Variants in ROBO1 observed in about 807,000 individuals in gnomAD.
The protein encoded by ROBO1 is roundabout guidance receptor 1.
Under a neutral mutation model 195.9 loss-of-function variants are expected in ROBO1, and 149 were observed. That is an observed-to-expected ratio of 0.76 (90% CI 0.67 to 0.87). The LOEUF (loss-of-function observed/expected upper bound fraction) is 0.87. Ranked by LOEUF, ROBO1 falls within the 40% of genes least tolerant of loss-of-function variation. The probability of loss-of-function intolerance (pLI) is 0.00; values close to 1 mark genes in which losing one functional copy is unlikely to be tolerated. For missense variants in ROBO1, 1,933 were observed against 2,068.3 expected, an observed-to-expected ratio of 0.93 and a Z score of 1.27; for synonymous variants, 816 against 733.2, an observed-to-expected ratio of 1.11 and a Z score of -1.82.
chr3:79,712,186 G>C (rs1484005123), intron 1 of ROBO1, among the ~76,000 whole-genome samples: 3 of 152,130 alleles, frequency 2.0e-5, no homozygotes, highest in Non-Finnish European at 4.4e-5. Context: ...AAATGATTAA[G>C]CTTGGTGAGG....
At chr3:79,013,445 T>TA (rs2077838945) in intron 3 of ROBO1, among the ~76,000 whole-genome samples, 1 of 152,200 alleles carries the variant, frequency 6.6e-6, no homozygotes, top group African/African-American at 2.4e-5. Flanking sequence ...CCTGGTGATC[T>TA]AAAAATTAGA....
intron 1 of ROBO1, among the ~76,000 whole-genome samples, chr3:79,720,948 G>A (rs1027901670): frequency 8.6e-5 from 13 of 151,870 alleles, no homozygotes; most frequent in South Asian, 2.1e-4. Context: ...GCCCGCCACC[G>A]TGCCCGGCTA....
chr3:79,325,513 G>C (rs138857494), intron 2 of ROBO1, among the ~76,000 whole-genome samples: 3 of 152,160 alleles, frequency 2.0e-5, no homozygotes, highest in Non-Finnish European at 2.9e-5. Flanking sequence ...AAATATTAAC[G>C]TAATGTGTCG....
chr3:79,242,982 C>CT (rs2082549363), intron 2 of ROBO1, among the ~76,000 whole-genome samples: 1 of 107,122 alleles, frequency 9.3e-6, no homozygotes, highest in Non-Finnish European at 1.8e-5. Flanking sequence ...TCCCTCCCCC[C>CT]TCCCCCCCAC....
At chr3:78,603,205 C>A (rs1385970157) in intron 29 of ROBO1, among the ~76,000 whole-genome samples, 1 of 152,140 alleles carries the variant, frequency 6.6e-6, no homozygotes, top group Non-Finnish European at 1.5e-5. Flanking sequence ...CCTTCATGTA[C>A]CTCAAGAGCT....
intron 8 of ROBO1, among the ~76,000 whole-genome samples, chr3:78,696,729 T>C (rs145822921): frequency 0.018 from 2,687 of 146,096 alleles, 78 homozygotes; most frequent in African/African-American, 0.064. Flanking sequence ...TATATACATG[T>C]ATATATACAT....
chr3:78,629,205 G>T (rs535347828), intron 25 of ROBO1, among the ~76,000 whole-genome samples: 1 of 152,200 alleles, frequency 6.6e-6, no homozygotes, highest in African/African-American at 2.4e-5. Flanking sequence ...CATTTGTCCA[G>T]ATCAAGAACA....
intron 28 of ROBO1, among the ~76,000 whole-genome samples, chr3:78,609,922 T>C (rs1486900766): frequency 6.6e-6 from 1 of 152,166 alleles, no homozygotes; most frequent in African/African-American, 2.4e-5. Flanking sequence ...TCTTTTGGCA[T>C]TATATGCTAA....
chr3:78,753,067 G>A (rs933136084), intron 4 of ROBO1, among the ~76,000 whole-genome samples: 13 of 151,966 alleles, frequency 8.6e-5, no homozygotes, highest in Non-Finnish European at 1.0e-4. Context: ...CTGATATAGC[G>A]GATGGATGGC....
intron 4 of ROBO1, among the ~76,000 whole-genome samples, chr3:78,917,572 G>A (rs1474224433): frequency 2.6e-5 from 4 of 152,014 alleles, no homozygotes; most frequent in Admixed American, 1.3e-4. Context: ...AATTAATTTT[G>A]TAAAATCTGA....
At chr3:79,008,902 T>TGTGC (rs2077697408) in intron 3 of ROBO1, among the ~76,000 whole-genome samples, 1 of 148,702 alleles carries the variant, frequency 6.7e-6, no homozygotes, top group Non-Finnish European at 1.5e-5. Context: ...TGTGTGTGTG[T>TGTGC]GTGTGTGTGT....
chr3:78,916,283 A>C (rs2038579022), intron 4 of ROBO1, among the ~76,000 whole-genome samples: 3 of 134,966 alleles, frequency 2.2e-5, no homozygotes, highest in Admixed American at 1.5e-4. Flanking sequence ...CTTTTTCTAA[A>C]GTGTCACGCC....
intron 2 of ROBO1, among the ~76,000 whole-genome samples, chr3:79,441,670 T>C (rs1055891799): frequency 2.0e-5 from 3 of 152,102 alleles, no homozygotes; most frequent in African/African-American, 4.8e-5. Flanking sequence ...TCATCTTAGA[T>C]ATAATGATAT....
chr3:79,493,965 C>G (rs995899057), intron 2 of ROBO1, among the ~76,000 whole-genome samples: 2 of 152,040 alleles, frequency 1.3e-5, no homozygotes, highest in African/African-American at 2.4e-5. Flanking sequence ...ACTATATTAT[C>G]AAAGATAAGT....
chr3:79,168,880 T>C (rs1229420854), intron 2 of ROBO1, among the ~76,000 whole-genome samples: 1 of 152,128 alleles, frequency 6.6e-6, no homozygotes, highest in Non-Finnish European at 1.5e-5. Context: ...TGCTAGAACA[T>C]TGAAATAGAC....
chr3:79,584,880 G>A (rs1943779104), intron 2 of ROBO1, among the ~76,000 whole-genome samples: 1 of 151,678 alleles, frequency 6.6e-6, no homozygotes, highest in African/African-American at 2.4e-5. Context: ...TGAGTCATCA[G>A]CAAGAGAACA....
At chr3:78,608,977 C>A (rs76757975) in intron 28 of ROBO1, among the ~76,000 whole-genome samples, 2,588 of 152,034 alleles carry the variant, frequency 0.017, 45 homozygotes, top group Non-Finnish European at 0.02. Context: ...TAGAAAGGTA[C>A]AACAGGTATT....
intron 2 of ROBO1, among the ~76,000 whole-genome samples, chr3:79,373,226 C>T (rs540124058): frequency 1.3e-5 from 2 of 152,216 alleles, no homozygotes; most frequent in South Asian, 2.1e-4. Flanking sequence ...ATGATGTCTA[C>T]TTAAATGTAT....
intron 2 of ROBO1, among the ~76,000 whole-genome samples, chr3:79,505,186 A>G (rs1940321987): frequency 6.6e-6 from 1 of 150,832 alleles, no homozygotes; most frequent in Admixed American, 6.6e-5. Context: ...AAACAAAGAC[A>G]TTTTAATTTA....
Sources: allele counts gnomAD v4.1 joint callset (sites outside exome capture counted in the v4.1 genomes callset), GRCh38; gene constraint gnomAD v4.1.1; transcripts MANE v1.5; gene names NCBI Gene and HGNC (gene_info 2026-07-23, HGNC 2026-07-21).